The following UST variants were observed in gnomAD, a reference collection of about 807,000 sequenced individuals.
The protein encoded by UST is chondroitin sulfate 2-O-sulfotransferase.
Under a neutral mutation model 45.6 loss-of-function variants are expected in UST, and 21 were observed. That is an observed-to-expected ratio of 0.46 (90% CI 0.33 to 0.66). UST has a LOEUF of 0.66. Among genes scored for constraint, UST ranks in the 30% least tolerant of loss-of-function variants. The pLI, the probability that UST is intolerant of heterozygous loss-of-function variation, is 0.02. For missense variants in UST, 463 were observed against 512.4 expected (o/e 0.90, Z 0.93); for synonymous variants, 215 against 200.6 (o/e 1.07, Z -0.61).
chr6:148,927,661 G>GA (rs933864765), intron 2 of UST, among the ~76,000 whole-genome samples: 2 of 151,820 alleles, frequency 1.3e-5, no homozygotes, highest in African/African-American at 4.8e-5. Context: ...GCCCTGGGAT[G>GA]AAAAAAAATG....
At chr6:148,775,852 G>A (rs1450909247) in intron 1 of UST, among the ~76,000 whole-genome samples, 1 of 151,858 alleles carries the variant, frequency 6.6e-6, no homozygotes, top group African/African-American at 2.4e-5. Context: ...GGCTGATCTC[G>A]AACTCCTGAC....
intron 5 of UST, among the ~76,000 whole-genome samples, chr6:148,978,329 T>G (rs971535378): frequency 6.6e-6 from 1 of 152,200 alleles, no homozygotes; most frequent in African/African-American, 2.4e-5. Context: ...ACATACATTT[T>G]ATAGTATATA....
intron 1 of UST, among the ~76,000 whole-genome samples, chr6:148,841,126 C>G (rs1777880308): frequency 6.8e-6 from 1 of 146,392 alleles, no homozygotes; most frequent in African/African-American, 2.5e-5. Flanking sequence ...AAAAAAAAGA[C>G]TAGTAAGATT....
chr6:148,761,616 C>G (rs1348909356), intron 1 of UST, among the ~76,000 whole-genome samples: 2 of 152,026 alleles, frequency 1.3e-5, no homozygotes, highest in Admixed American at 6.5e-5. Context: ...CAGAAAGTGC[C>G]GATTGGTGGA....
chr6:148,822,453 A>G (rs903411058), intron 1 of UST, among the ~76,000 whole-genome samples: 18 of 152,174 alleles, frequency 1.2e-4, no homozygotes, highest in African/African-American at 3.4e-4. Flanking sequence ...CCTGACCCCA[A>G]AAAGACGTGA....
chr6:148,929,506 CAT>C (rs1779882257), intron 2 of UST, among the ~76,000 whole-genome samples: 1 of 152,104 alleles, frequency 6.6e-6, no homozygotes, highest in Non-Finnish European at 1.5e-5. Context: ...CATCATGAAA[CAT>C]AAGAAAAGCT....
chr6:148,955,799 C>G (rs1780483500), intron 4 of UST: 1 of 152,216 alleles, frequency 6.6e-6, no homozygotes, highest in Non-Finnish European at 1.5e-5. Context: ...CTTCATAGGT[C>G]AAATCTTTAC....
In UST at chr6:148,747,458, G is replaced by C; in HGVS notation, c.28G>C (p.Gly10Arg). The C allele has an allele frequency of 1.4e-6, 2 of 1,429,782 alleles. No individual in the cohort carries two copies. Among genetic ancestry groups the C allele is most frequent in the Non-Finnish European group, 1.8e-6 (2 of 1,089,502 alleles). The allele number at this position is 1,429,782 out of a possible 1,614,324, so 88.6% of individuals were successfully genotyped here. Residue 10 changes from glycine to arginine, a missense_variant, in exon 1 of 8, where the codon GGC (glycine) becomes CGC (arginine). This residue lies in a region of UST where 176 missense variants were observed against 138.3 expected (regional missense o/e 1.27). Transcript: ENST00000367463. ...GAAGAAGAAGCAGCAGCATCCCGGC[G>C]GCGGCGCGGATCCCTGGCCCCATGG... MKKKQQHPG[G>R]GADPWPHGAP...
intron 1 of UST, among the ~76,000 whole-genome samples, chr6:148,783,617 A>G (rs984932372): frequency 6.6e-6 from 1 of 152,212 alleles, no homozygotes; most frequent in Non-Finnish European, 1.5e-5. Context: ...ATGCACATTT[A>G]TATGTAAAAT....
In UST at chr6:148,911,694, G is replaced by T. The variant is rs114770372; in HGVS notation, c.291+24665G>T. 3.3e-3 allele frequency among the ~76,000 whole-genome samples: 500 copies of T among 150,654 alleles called. 3 individuals are homozygous for T. Among genetic ancestry groups the T allele is most frequent in the African/African-American group, 0.011 (459 of 41,062 alleles). ...TTAGAAGCTAAAAAGAGAAACAGAA[G>T]ATAGAAAGTAATTATCAGAAAAAAA... is the stretch of plus-strand genomic sequence containing the variant. On this transcript the variant is annotated intron_variant, in intron 2 of 7. Transcript: ENST00000367463.
At chr6:148,823,704 G>A (rs1411272385) in intron 1 of UST, among the ~76,000 whole-genome samples, 1 of 152,138 alleles carries the variant, frequency 6.6e-6, no homozygotes, top group African/African-American at 2.4e-5. Context: ...ACAAAGATTA[G>A]CCCCCGTGTC....
chr6:148,851,697 T>C (rs1473219367), intron 1 of UST, among the ~76,000 whole-genome samples: 1 of 152,238 alleles, frequency 6.6e-6, no homozygotes, highest in East Asian at 1.9e-4. Flanking sequence ...GACTGGGCTT[T>C]CCTGTGGTGA....
Position 148,747,281 on chromosome 6 carries a change from C to G in UST, c.-150C>G, listed in dbSNP as rs1207699530. The G allele has an allele frequency of 8.5e-6, 8 of 936,568 alleles. No homozygotes were observed. The highest frequency in any genetic ancestry group is 1.1e-5 in the Non-Finnish European group (8 of 705,350). The allele number at this position is 936,568 out of a possible 1,614,324, so 58.0% of individuals were successfully genotyped here. On this transcript the variant is annotated 5_prime_UTR_variant, in exon 1 of 8. Transcript: ENST00000367463. Reference sequence around the variant, plus strand: ...ACCATGCCGAAGAAAGTCTCCTGAGCCCGGCAACTTCGGCCCCTCCCCGCC... The same window carrying G: ...ACCATGCCGAAGAAAGTCTCCTGAGGCCGGCAACTTCGGCCCCTCCCCGCC...
intron 4 of UST, among the ~76,000 whole-genome samples, chr6:148,959,735 C>A (rs1780609641): frequency 1.3e-5 from 2 of 152,174 alleles, no homozygotes; most frequent in Admixed American, 1.3e-4. Context: ...CACCTCCTTC[C>A]CCATTTGTCT....
chr6:149,053,640 G>T (rs183239961), intron 7 of UST, among the ~76,000 whole-genome samples: 60 of 152,330 alleles, frequency 3.9e-4, no homozygotes, highest in African/African-American at 1.3e-3. Context: ...GTATCTGTCT[G>T]ATCAGGAGGT....
chr6:148,946,476 A>C (rs1780237844), intron 3 of UST, among the ~76,000 whole-genome samples: 1 of 132,554 alleles, frequency 7.5e-6, no homozygotes, highest in Non-Finnish European at 1.5e-5. Flanking sequence ...GCACGACTGC[A>C]CTCCAGCCTG....
chr6:148,833,354 G>T (rs1777726035), intron 1 of UST, among the ~76,000 whole-genome samples: 1 of 152,180 alleles, frequency 6.6e-6, no homozygotes, highest in Non-Finnish European at 1.5e-5. Flanking sequence ...AGGCATGGTG[G>T]CATGTACCTG....
At chr6:148,906,946 A>G (rs1296675842) in intron 2 of UST, among the ~76,000 whole-genome samples, 4 of 152,228 alleles carry the variant, frequency 2.6e-5, no homozygotes, top group Admixed American at 2.6e-4. Context: ...CAACAAGCAG[A>G]GTTTGAGTTA....
At chr6:148,894,216 C>T (rs1297137088) in intron 2 of UST, among the ~76,000 whole-genome samples, 1 of 152,114 alleles carries the variant, frequency 6.6e-6, no homozygotes, top group Admixed American at 6.5e-5. Flanking sequence ...AGTCACAAAT[C>T]CAGTTTTGAA....
Sources: allele counts gnomAD v4.1 joint callset (sites outside exome capture counted in the v4.1 genomes callset), GRCh38; gene constraint gnomAD v4.1.1; regional missense constraint gnomAD v4.1.1; transcripts MANE v1.5; gene names NCBI Gene and HGNC (gene_info 2026-07-23, HGNC 2026-07-21).